Variants in C3orf20 observed in about 807,000 individuals in gnomAD.
C3orf20 encodes the protein family with sequence similarity 149 member C.
C3orf20 carries 76 observed loss-of-function variants against 88.3 expected under a neutral mutation model. The observed-to-expected ratio is 0.86, with a 90% CI of 0.72 to 1.04. The LOEUF is 1.04. Ranked by LOEUF, C3orf20 falls within the 50% of genes least tolerant of loss-of-function variation. The pLI is 0.00. For synonymous variants in C3orf20, 436 were observed against 437.4 expected (o/e 1.00, Z 0.04); for missense variants, 1,056 against 1,123.3 (o/e 0.94, Z 0.86).
In C3orf20 at chr3:14,749,695, T is replaced by G. The variant is rs573219875; in HGVS notation, c.1941-7676T>G. Among the ~76,000 whole-genome samples, 2 of 89,476 alleles carry G rather than the reference T, an allele frequency of 2.2e-5. 1 individual carries two copies. The highest frequency in any genetic ancestry group is 8.0e-4 in the South Asian group (2 of 2,498). The allele number at this position is 89,476 out of a possible 152,430, so 58.7% of individuals were successfully genotyped here. ...CATCATTGCCTTTTTTACGTTTAAT[T>G]GATTTTTTTTTTTTACTGTATGGTT... On this transcript the variant is annotated intron_variant, in intron 12 of 16. Coordinates refer to ENST00000253697, the MANE Select transcript of C3orf20 (RefSeq NM_032137.5).
rs772330997 is a variant in C3orf20 at position 14,690,020 on chromosome 3, A to G, written c.649A>G (p.Ile217Val). 11 of 1,614,046 alleles carry G rather than the reference A, an allele frequency of 6.8e-6. No homozygotes were observed. In the South Asian group the frequency reaches 1.1e-4, roughly 16 times the overall value. Residue 217 changes from isoleucine (I) to valine (V), a missense_variant, in exon 5 of 17, where the codon ATT becomes GTT. Transcript: ENST00000253697. Reference protein sequence around the residue: ...WKESLANMSAIGVNSPYQLIY... With the variant: ...WKESLANMSAVGVNSPYQLIY... Reference sequence around the variant, plus strand: ...AGAGTCCCTCGCAAACATGTCCGCCATTGGGGTGAACTCGCCTTACCAGCT... The same window carrying G: ...AGAGTCCCTCGCAAACATGTCCGCCGTTGGGGTGAACTCGCCTTACCAGCT...
intron 10 of C3orf20, among the ~76,000 whole-genome samples, chr3:14,723,836 T>C (rs2034253150): frequency 1.6e-5 from 2 of 121,216 alleles, no homozygotes; most frequent in South Asian, 2.7e-4. Flanking sequence ...TATTTTATTT[T>C]ATTTTATTGA....
At chr3:14,697,865 A>G (rs2033077769) in intron 5 of C3orf20, among the ~76,000 whole-genome samples, 1 of 152,108 alleles carries the variant, frequency 6.6e-6, no homozygotes, top group Non-Finnish European at 1.5e-5. Context: ...AGCTTCATCC[A>G]TGTCCCTGCA....
chr3:14,731,300 T>C (rs1164097807), intron 12 of C3orf20, among the ~76,000 whole-genome samples: 1 of 152,238 alleles, frequency 6.6e-6, no homozygotes, highest in East Asian at 1.9e-4. Context: ...TTCATCCATA[T>C]TGTTACATGG....
In C3orf20 at chr3:14,683,119, A is replaced by G; in HGVS notation, c.406A>G (p.Arg136Gly). ...QVRTHQETLN[R>G]FQQQSIHLLT... The stretch of plus-strand genomic sequence containing the variant: ...GCGCACCCACCAGGAGACCCTGAAC[A>G]GGTTTCAGCAGCAGTCCATCCACCT... The change falls in exon 3 of 17, where the codon AGG becomes GGG. Residue 136 changes from arginine (R) to glycine (G), a missense_variant. By Grantham distance (125) the Arg-to-Gly change is moderately radical. Coordinates refer to ENST00000253697, the MANE Select transcript of C3orf20 (RefSeq NM_032137.5). 1 of 1,614,126 alleles carries G rather than the reference A, an allele frequency of 6.2e-7. No individual in the cohort carries two copies. Among genetic ancestry groups the G allele is most frequent in the Non-Finnish European group, 8.5e-7 (1 of 1,179,992 alleles).
chr3:14,767,942 G>A (rs941348781), intron 15 of C3orf20, among the ~76,000 whole-genome samples: 5 of 152,354 alleles, frequency 3.3e-5, no homozygotes, highest in East Asian at 3.9e-4. Flanking sequence ...GGTATAAACC[G>A]TCAAGGGCTC....
Position 14,701,935 on chromosome 3 carries a change from T to C in C3orf20, c.746-1195T>C, listed in dbSNP as rs1402101341. On this transcript the variant is annotated intron_variant, in intron 5 of 16. Transcript: ENST00000253697. This position sits in a 1 kb window ranked among gnomAD's most constrained non-coding sequence, Gnocchi z 4.6. ...TAAATGACCAGTCAACAATTCCTGGTGAGCATCAATGATACCCCCAATATT... is the reference window on the plus strand; with the variant it reads ...TAAATGACCAGTCAACAATTCCTGGCGAGCATCAATGATACCCCCAATATT... 6.6e-6 allele frequency among the ~76,000 whole-genome samples: 1 copy of C among 152,142 alleles called. No individual in the cohort carries two copies. Among genetic ancestry groups the C allele is most frequent in the Non-Finnish European group, 1.5e-5 (1 of 68,042 alleles).
At chr3:14,709,550 G>T (rs958942741) in intron 7 of C3orf20, among the ~76,000 whole-genome samples, 1 of 152,018 alleles carries the variant, frequency 6.6e-6, no homozygotes, top group African/African-American at 2.4e-5. Flanking sequence ...CTTCTATTCC[G>T]AATTTGTTGA....
chr3:14,766,314 C>T (rs2035700424), intron 15 of C3orf20, among the ~76,000 whole-genome samples: 1 of 152,228 alleles, frequency 6.6e-6, no homozygotes, highest in Non-Finnish European at 1.5e-5. Context: ...ACAATAGGGA[C>T]CGGAGAGGCC....
At chr3:14,689,961 C>G (rs761155697) in intron 4 of C3orf20, 36 bp from the exon 5 acceptor site, 2 of 1,613,044 alleles carry the variant, frequency 1.2e-6, no homozygotes, top group Admixed American at 1.7e-5. Context: ...TAAAAGTAAA[C>G]AGTTGAAAGA....
At chr3:14,714,975 G>A in intron 8 of C3orf20, among the ~76,000 whole-genome samples, 1 of 152,166 alleles carries the variant, frequency 6.6e-6, no homozygotes, top group East Asian at 1.9e-4. Context: ...TTATGTTATA[G>A]GTATTCCAGT....
At chr3:14,683,469 G>C (rs1350816059) in intron 3 of C3orf20, among the ~76,000 whole-genome samples, 1 of 152,182 alleles carries the variant, frequency 6.6e-6, no homozygotes, top group South Asian at 2.1e-4. Flanking sequence ...ATGATGCTGA[G>C]GTGCGGAGAC....
chr3:14,721,170 T>G (rs1172328310), intron 9 of C3orf20, among the ~76,000 whole-genome samples: 24 of 152,222 alleles, frequency 1.6e-4, no homozygotes, highest in Admixed American at 1.6e-3. Flanking sequence ...TTCTGGGTCC[T>G]CTTTGACCTC....
intron 12 of C3orf20, among the ~76,000 whole-genome samples, chr3:14,753,842 T>G (rs2035285268): frequency 6.6e-6 from 1 of 152,224 alleles, no homozygotes; most frequent in African/African-American, 2.4e-5. Context: ...CAGCTAGTGA[T>G]TTGATAGAGA....
At chr3:14,769,093 G>A (rs1287946500) in intron 15 of C3orf20, among the ~76,000 whole-genome samples, 1 of 152,092 alleles carries the variant, frequency 6.6e-6, no homozygotes, top group Non-Finnish European at 1.5e-5. Context: ...AGACACAGGA[G>A]GTGCCAAGGC....
intron 10 of C3orf20, chr3:14,722,093 C>G (rs1306740694): frequency 3.1e-6 from 1 of 320,482 alleles, no homozygotes. Context: ...TGGCTGGATC[C>G]AGGCCCTGAA....
chr3:14,756,494 A>G (rs567859478), intron 12 of C3orf20, among the ~76,000 whole-genome samples: 4 of 152,338 alleles, frequency 2.6e-5, no homozygotes, highest in East Asian at 1.9e-4. Flanking sequence ...AAAGTAAAAG[A>G]TATGTTAGAT....
intron 12 of C3orf20, among the ~76,000 whole-genome samples, chr3:14,756,513 A>T (rs905351449): frequency 6.6e-6 from 1 of 152,224 alleles, no homozygotes; most frequent in Admixed American, 6.5e-5. Flanking sequence ...ATAGCAAGCA[A>T]TGCTAAGAAG....
rs144204107 is a variant in C3orf20, at chr3:14,753,006, A to G, written c.1941-4365A>G. On this transcript the variant is annotated intron_variant, in intron 12 of 16. Transcript: ENST00000253697. ...TTACTGGGTATATACCCAAAGGATT[A>G]TAAATCATGCTACTATAAAGACACA... Among the ~76,000 whole-genome samples the G allele has an allele frequency of 4.7e-4, 71 of 152,362 alleles. 1 individual carries two copies. Among genetic ancestry groups the G allele is most frequent in the African/African-American group, 1.7e-3 (70 of 41,584 alleles).
Sources: gnomAD v4.1 joint callset for allele counts (sites outside exome capture counted in the v4.1 genomes callset) on GRCh38, gnomAD v4.1.1 for gene constraint, Gnocchi (gnomAD v3.1) non-coding constraint, MANE v1.5 for transcripts, NCBI Gene and HGNC (gene_info 2026-07-23, HGNC 2026-07-21) for gene names.